PTPRM: variants seen among roughly 807,000 people sequenced by gnomAD.
PTPRM encodes the protein protein tyrosine phosphatase receptor type M, also known as receptor-type tyrosine-protein phosphatase mu.
PTPRM carries 47 observed loss-of-function variants against 186.7 expected under a neutral mutation model. That is an observed-to-expected ratio of 0.25 (90% CI 0.20 to 0.32). The LOEUF (loss-of-function observed/expected upper bound fraction) is 0.32. Ranked by LOEUF, PTPRM falls within the 10% of genes least tolerant of loss-of-function variation. PTPRM has a pLI of 1.00. For missense variants in PTPRM, 1,494 were observed against 1,865.0 expected, an observed-to-expected ratio of 0.80 and a Z score of 3.66; for synonymous variants, 668 against 674.9, an observed-to-expected ratio of 0.99 and a Z score of 0.16.
intron 2 of PTPRM, among the ~76,000 whole-genome samples, chr18:7,860,158 G>A (rs550369771): frequency 4.0e-5 from 6 of 151,226 alleles, no homozygotes; most frequent in East Asian, 2.0e-4. Flanking sequence ...CTGCAACTTC[G>A]GCCTCCCAGG....
intron 5 of PTPRM, among the ~76,000 whole-genome samples, chr18:7,937,503 G>A (rs112097949): frequency 0.013 from 1,911 of 152,190 alleles, 52 homozygotes; most frequent in African/African-American, 0.044. Context: ...CTCCCAACTC[G>A]CCCTTGGCAG....
intron 22 of PTPRM, among the ~76,000 whole-genome samples, chr18:8,322,215 C>T (rs1483570099): frequency 2.0e-5 from 3 of 152,146 alleles, no homozygotes; most frequent in African/African-American, 7.2e-5. Context: ...AGATGTTCAT[C>T]AAGTTCCTTC....
chr18:8,065,813 G>C (rs745848679), intron 7 of PTPRM, among the ~76,000 whole-genome samples: 1 of 152,130 alleles, frequency 6.6e-6, no homozygotes, highest in Admixed American at 6.5e-5. Context: ...CCATGTTTTG[G>C]GGGGACAGTG....
intron 14 of PTPRM, among the ~76,000 whole-genome samples, chr18:8,158,484 A>G (rs886927941): frequency 6.6e-6 from 1 of 152,052 alleles, no homozygotes; most frequent in East Asian, 1.9e-4. Context: ...CACTTTTCCA[A>G]CTCTTTCCAG....
chr18:7,862,302 C>T (rs971084710), intron 2 of PTPRM, among the ~76,000 whole-genome samples: 1 of 152,068 alleles, frequency 6.6e-6, no homozygotes, highest in African/African-American at 2.4e-5. Context: ...GTGAATGTAA[C>T]ATGTTGATGT....
At chr18:7,831,361 T>A (rs773141695) in intron 2 of PTPRM, among the ~76,000 whole-genome samples, 1 of 151,968 alleles carries the variant, frequency 6.6e-6, no homozygotes, top group Non-Finnish European at 1.5e-5. Context: ...AAAGCCTTCC[T>A]GAGTTATTTT....
chr18:8,249,963 G>A (rs1342292397), intron 17 of PTPRM, among the ~76,000 whole-genome samples: 1 of 104,592 alleles, frequency 9.6e-6, no homozygotes, highest in East Asian at 2.1e-4. Context: ...GTGAATCTAT[G>A]TATTGAGTAA....
intron 1 of PTPRM, among the ~76,000 whole-genome samples, chr18:7,711,520 A>G (rs947288101): frequency 4.6e-5 from 7 of 152,158 alleles, no homozygotes; most frequent in African/African-American, 1.7e-4. Context: ...GAAGCCAGGG[A>G]GCCAAGTGGT....
At chr18:8,181,017 C>T (rs1490807575) in intron 14 of PTPRM, among the ~76,000 whole-genome samples, 1 of 152,136 alleles carries the variant, frequency 6.6e-6, no homozygotes, top group Non-Finnish European at 1.5e-5. Flanking sequence ...GTTAGGCTTT[C>T]AGTTAATTTA....
At chr18:7,590,866 T>C (rs1428982711) in intron 1 of PTPRM, among the ~76,000 whole-genome samples, 1 of 152,266 alleles carries the variant, frequency 6.6e-6, no homozygotes, top group Admixed American at 6.5e-5. Flanking sequence ...TTTCAGTTTT[T>C]CTGGATCTAC....
intron 14 of PTPRM, among the ~76,000 whole-genome samples, chr18:8,193,233 G>A (rs555585302): frequency 6.6e-6 from 1 of 152,286 alleles, no homozygotes; most frequent in South Asian, 2.1e-4. Flanking sequence ...ACAACTGCTG[G>A]AACCAGGCAA....
intron 13 of PTPRM, among the ~76,000 whole-genome samples, chr18:8,117,186 C>T (rs188744134): frequency 7.5e-4 from 114 of 152,286 alleles, no homozygotes; most frequent in African/African-American, 2.5e-3. Context: ...ATCTTGACTA[C>T]ATAGTCAAAA....
At chr18:7,590,620 A>C (rs1040989081) in intron 1 of PTPRM, among the ~76,000 whole-genome samples, 1 of 152,230 alleles carries the variant, frequency 6.6e-6, no homozygotes, top group Non-Finnish European at 1.5e-5. Flanking sequence ...TGGTATATTC[A>C]TGTAATAGAA....
chr18:8,300,423 C>T (rs987837821), intron 20 of PTPRM, among the ~76,000 whole-genome samples: 3 of 151,456 alleles, frequency 2.0e-5, no homozygotes, highest in Non-Finnish European at 4.4e-5. Context: ...GAACATTGAT[C>T]GTTGTTACCT....
At chr18:7,634,567 G>C (rs2038268882) in intron 1 of PTPRM, among the ~76,000 whole-genome samples, 1 of 152,112 alleles carries the variant, frequency 6.6e-6, no homozygotes, top group African/African-American at 2.4e-5. Flanking sequence ...CAATATTTTA[G>C]ATTTCTCCCA....
intron 19 of PTPRM, 31 bp from the exon 20 acceptor site, chr18:8,296,337 A>T (rs373107125): frequency 1.4e-6 from 2 of 1,441,612 alleles, no homozygotes; most frequent in Middle Eastern, 1.7e-4. Flanking sequence ...ACTGCGCCAA[A>T]TTGTAATTCT....
chr18:7,705,929 T>C (rs1165630237), intron 1 of PTPRM, among the ~76,000 whole-genome samples: 1 of 148,942 alleles, frequency 6.7e-6, no homozygotes, highest in Admixed American at 6.7e-5. Flanking sequence ...ACCCAAATGA[T>C]ACAAGAGCAC....
At chr18:7,704,281 A>G (rs2040028278) in intron 1 of PTPRM, among the ~76,000 whole-genome samples, 1 of 152,170 alleles carries the variant, frequency 6.6e-6, no homozygotes, top group Admixed American at 6.5e-5. Flanking sequence ...GGTAGAATTC[A>G]ACTGTGAATC....
chr18:7,847,396 G>A (rs2046650673), intron 2 of PTPRM, among the ~76,000 whole-genome samples: 1 of 151,804 alleles, frequency 6.6e-6, no homozygotes, highest in African/African-American at 2.4e-5. Context: ...CAAACTCCTG[G>A]GCTTAAGCAA....
Sources: allele counts gnomAD v4.1 joint callset (sites outside exome capture counted in the v4.1 genomes callset), GRCh38; gene constraint gnomAD v4.1.1; transcripts MANE v1.5; gene names NCBI Gene and HGNC (gene_info 2026-07-23, HGNC 2026-07-21).